USP13: variants seen among roughly 807,000 people sequenced by gnomAD.
The protein encoded by USP13 is ubiquitin specific peptidase 13.
A neutral mutation model predicts 107.8 loss-of-function variants in USP13; 68 were observed. The observed-to-expected ratio is 0.63, with a 90% CI of 0.52 to 0.77. The LOEUF is 0.77. USP13 is among the 30% of genes least tolerant of loss of function. The probability of loss-of-function intolerance (pLI) is 0.00; values close to 1 mark genes in which losing one functional copy is unlikely to be tolerated. For missense variants in USP13, 945 were observed against 1,093.3 expected (o/e 0.86, Z 1.91); for synonymous variants, 377 against 389.5 (o/e 0.97, Z 0.38).
In USP13 at chr3:179,742,905, T is replaced by C. The variant is rs1714252957; in HGVS notation, c.1534+555T>C. On this transcript the variant is annotated intron_variant, in intron 12 of 20. Transcript: ENST00000263966. This position sits in a 1 kb window ranked among gnomAD's most constrained non-coding sequence, Gnocchi z 5.0. ...AGGAGGCAGAGATGTGGCACTCATGTTTGGTGCCTTCTCCTTCCATCAGTC... is the reference window on the plus strand; with the variant it reads ...AGGAGGCAGAGATGTGGCACTCATGCTTGGTGCCTTCTCCTTCCATCAGTC... Among the ~76,000 whole-genome samples, 1 of 152,168 alleles carries C rather than the reference T, an allele frequency of 6.6e-6. No homozygotes were observed. The highest frequency in any genetic ancestry group is 2.4e-5 in the African/African-American group (1 of 41,442).
chr3:179,672,044 G>C (rs964590724), intron 1 of USP13, among the ~76,000 whole-genome samples: 6 of 152,160 alleles, frequency 3.9e-5, no homozygotes, highest in Non-Finnish European at 8.8e-5. Flanking sequence ...CAGTGGGAAG[G>C]CTGGTTGCCA....
chr3:179,753,134 A>G (rs1037245948), intron 14 of USP13, among the ~76,000 whole-genome samples: 1 of 152,220 alleles, frequency 6.6e-6, no homozygotes, highest in East Asian at 1.9e-4. Flanking sequence ...AGTCTTTTAA[A>G]GTTTTTATGT....
At chr3:179,658,386 G>A (rs1422948185) in intron 1 of USP13, among the ~76,000 whole-genome samples, 14 of 152,140 alleles carry the variant, frequency 9.2e-5, no homozygotes, top group Non-Finnish European at 4.4e-5. Context: ...GTGTCATGCC[G>A]CACAGCGGTT....
At chr3:179,751,067 T>C (rs1714595194) in intron 13 of USP13, among the ~76,000 whole-genome samples, 1 of 152,214 alleles carries the variant, frequency 6.6e-6, no homozygotes, top group Non-Finnish European at 1.5e-5. Flanking sequence ...TTAAAAGGTA[T>C]CTGTGATACC....
chr3:179,753,956 G>C (rs541463252), intron 14 of USP13, among the ~76,000 whole-genome samples: 5 of 152,164 alleles, frequency 3.3e-5, no homozygotes, highest in Admixed American at 3.3e-4. Context: ...TAATACACTT[G>C]AGATTCAATT....
In USP13 at chr3:179,786,439, A is replaced by C. The variant is rs1186591662; in HGVS notation, c.*2298A>C. ...CAATATTTAAGACTATAGGCTATAAATTGTTTGATTTCATTAACTAGCCCT... is the reference window on the plus strand; with the variant it reads ...CAATATTTAAGACTATAGGCTATAACTTGTTTGATTTCATTAACTAGCCCT... On this transcript the variant is annotated 3_prime_UTR_variant, in exon 21 of 21. Coordinates refer to ENST00000263966, the MANE Select transcript of USP13 (RefSeq NM_003940.3). 1.3e-5 allele frequency: 2 copies of C among 152,210 alleles called. No individual in the cohort carries two copies. Among genetic ancestry groups the C allele is most frequent in the Admixed American group, 1.3e-4 (2 of 15,284 alleles). 9.4% of individuals were successfully genotyped at this position (152,210 alleles called of 1,614,324 possible).
At chr3:179,733,231 G>A (rs1252900435) in intron 10 of USP13, among the ~76,000 whole-genome samples, 1 of 152,122 alleles carries the variant, frequency 6.6e-6, no homozygotes, top group Non-Finnish European at 1.5e-5. Context: ...AAAGAATCTT[G>A]ATTATGAGAA....
At chr3:179,693,668 G>A (rs993945976) in intron 3 of USP13, among the ~76,000 whole-genome samples, 1 of 151,760 alleles carries the variant, frequency 6.6e-6, no homozygotes, top group Non-Finnish European at 1.5e-5. Flanking sequence ...TAGTAACTTT[G>A]TTTATTTATT....
At chr3:179,756,413 AAAAC>A (rs71628093) in intron 15 of USP13, among the ~76,000 whole-genome samples, 46,575 of 150,088 alleles carry the variant, frequency 0.31, 7,558 homozygotes, top group East Asian at 0.56. Flanking sequence ...CTGTCTCAAA[AAAAC>A]AAACAAACAA....
chr3:179,769,148 G>A (rs1183983521), intron 19 of USP13, among the ~76,000 whole-genome samples: 1 of 151,960 alleles, frequency 6.6e-6, no homozygotes, highest in African/African-American at 2.4e-5. Flanking sequence ...TTTGTGACTT[G>A]CTTTTCCTTT....
intron 1 of USP13, among the ~76,000 whole-genome samples, chr3:179,663,307 T>C (rs575377153): frequency 8.3e-4 from 126 of 152,350 alleles, no homozygotes; most frequent in African/African-American, 2.9e-3. Context: ...CATGTTGTTG[T>C]GTCAATTTTC....
chr3:179,733,895 C>G (rs1713895474), intron 10 of USP13, among the ~76,000 whole-genome samples: 1 of 152,218 alleles, frequency 6.6e-6, no homozygotes, highest in African/African-American at 2.4e-5. Context: ...GGAATTATAT[C>G]AGGCAGTTTG....
At chr3:179,735,749 C>T (rs907789227) in intron 10 of USP13, among the ~76,000 whole-genome samples, 1 of 152,124 alleles carries the variant, frequency 6.6e-6, no homozygotes, top group African/African-American at 2.4e-5. Context: ...TTTAAAGTGT[C>T]CAGCCAGGTG....
chr3:179,750,310 ATATATATATATGTGTG>A (rs749495586), intron 13 of USP13, among the ~76,000 whole-genome samples: 1,819 of 77,208 alleles, frequency 0.024, 16 homozygotes, highest in South Asian at 0.057. Context: ...GTGTGTATAT[ATATATATATATGTGTG>A]TATATATATA....
At chr3:179,694,069 G>T (rs1712202447) in intron 3 of USP13, among the ~76,000 whole-genome samples, 2 of 151,772 alleles carry the variant, frequency 1.3e-5, no homozygotes, top group Admixed American at 1.3e-4. Flanking sequence ...CTCCTGTAGG[G>T]CTCAAGTGAA....
At position 179,742,833 on chromosome 3, in the gene USP13, G is replaced by A. The variant is rs925507366; in HGVS notation, c.1534+483G>A. ...GAGATAAATTGTGTCAGGGTTCTTT[G>A]TAGAAGCAAAGCCCATTAGAAGGGT... On this transcript the variant is annotated intron_variant, in intron 12 of 20. Coordinates refer to ENST00000263966, the MANE Select transcript of USP13 (RefSeq NM_003940.3). The surrounding 1 kb of genome is among the most constrained non-coding windows in gnomAD (Gnocchi z 5.0). 2.0e-5 allele frequency among the ~76,000 whole-genome samples: 3 copies of A among 152,182 alleles called. No individual in the cohort carries two copies. The highest frequency in any genetic ancestry group is 7.2e-5 in the African/African-American group (3 of 41,438).
chr3:179,667,813 A>G (rs1720631056), intron 1 of USP13, among the ~76,000 whole-genome samples: 1 of 152,006 alleles, frequency 6.6e-6, no homozygotes, highest in African/African-American at 2.4e-5. Flanking sequence ...ACACCTGGCT[A>G]ATTTTTATAT....
chr3:179,777,446 T>C (rs868785639), intron 19 of USP13, among the ~76,000 whole-genome samples: 3,108 of 141,076 alleles, frequency 0.022, 31 homozygotes, highest in Middle Eastern at 0.11. Context: ...TCTCTCTCTT[T>C]TTTTTTTTTT....
intron 19 of USP13, among the ~76,000 whole-genome samples, chr3:179,780,919 TTACTC>T (rs1467645922): frequency 7.0e-6 from 1 of 143,708 alleles, no homozygotes; most frequent in Admixed American, 7.6e-5. Context: ...TTACTCTCAT[TTACTC>T]TAAAGTCTTG....
Sources: gnomAD v4.1 joint callset for allele counts (sites outside exome capture counted in the v4.1 genomes callset) on GRCh38, gnomAD v4.1.1 for gene constraint, Gnocchi (gnomAD v3.1) non-coding constraint, MANE v1.5 for transcripts, NCBI Gene and HGNC (gene_info 2026-07-23, HGNC 2026-07-21) for gene names.